FAT3: variants seen among roughly 807,000 people sequenced by gnomAD.
FAT3 encodes protocadherin Fat 3.
FAT3 carries 95 observed loss-of-function variants against 310.2 expected under a neutral mutation model. The ratio of observed to expected loss-of-function variants is 0.31; its 90% CI spans 0.26 to 0.36. FAT3 has a LOEUF of 0.36. FAT3 is among the 10% of genes least tolerant of loss of function. The pLI, the probability that FAT3 is intolerant of heterozygous loss-of-function variation, is 1.00. For synonymous variants in FAT3, 2,314 were observed against 2,192.9 expected (o/e 1.06, Z -1.54); for missense variants, 5,408 against 5,715.6 (o/e 0.95, Z 1.74).
At chr11:92,738,317 C>T (rs938790009) in intron 4 of FAT3, among the ~76,000 whole-genome samples, 10 of 152,168 alleles carry the variant, frequency 6.6e-5, no homozygotes, top group Non-Finnish European at 1.5e-4. Context: ...ACACCAGGTT[C>T]CCCAAGATAC....
intron 3 of FAT3, among the ~76,000 whole-genome samples, chr11:92,558,768 C>T (rs747378826): frequency 2.6e-5 from 4 of 152,118 alleles, no homozygotes; most frequent in Admixed American, 6.5e-5. Context: ...TACTCCTCGG[C>T]GACAAAGAGC....
intron 2 of FAT3, among the ~76,000 whole-genome samples, chr11:92,376,458 T>C (rs2134741817): frequency 6.6e-6 from 1 of 152,330 alleles, no homozygotes; most frequent in Non-Finnish European, 1.5e-5. Context: ...AGACGAATAG[T>C]GAATCATTCT....
chr11:92,301,304 A>G (rs749628702), intron 1 of FAT3, among the ~76,000 whole-genome samples: 7 of 152,152 alleles, frequency 4.6e-5, no homozygotes, highest in Non-Finnish European at 7.4e-5. Flanking sequence ...AGGTGGCGAA[A>G]AAGAAAGGGC....
intron 2 of FAT3, among the ~76,000 whole-genome samples, chr11:92,449,180 G>A (rs1951291664): frequency 6.6e-6 from 1 of 152,168 alleles, no homozygotes; most frequent in African/African-American, 2.4e-5. Context: ...CTCAGCCTGA[G>A]TACTGAACAA....
intron 3 of FAT3, among the ~76,000 whole-genome samples, chr11:92,641,480 G>A (rs1171096388): frequency 6.6e-6 from 1 of 152,122 alleles, no homozygotes; most frequent in African/African-American, 2.4e-5. Context: ...GAAGGCTCTA[G>A]GGAAGCATTC....
At chr11:92,699,394 G>T (rs1164340729) in intron 4 of FAT3, among the ~76,000 whole-genome samples, 1 of 152,140 alleles carries the variant, frequency 6.6e-6, no homozygotes, top group African/African-American at 2.4e-5. Context: ...TGTTTAAGAT[G>T]ATAGATAACC....
intron 1 of FAT3, among the ~76,000 whole-genome samples, chr11:92,238,763 T>G (rs546453882): frequency 6.6e-6 from 1 of 152,192 alleles, no homozygotes; most frequent in Non-Finnish European, 1.5e-5. Flanking sequence ...ATCTTATTTT[T>G]ACCATAGAGA....
intron 2 of FAT3, among the ~76,000 whole-genome samples, chr11:92,507,605 G>A (rs1274482690): frequency 1.3e-5 from 2 of 151,368 alleles, no homozygotes; most frequent in Non-Finnish European, 2.9e-5. Context: ...TAACATATAT[G>A]TGTGTATATA....
intron 4 of FAT3, among the ~76,000 whole-genome samples, chr11:92,745,563 A>C (rs1008178402): frequency 9.3e-5 from 13 of 139,232 alleles, no homozygotes; most frequent in Non-Finnish European, 2.0e-4. Flanking sequence ...TTAGTAGCTG[A>C]TGCATACCTC....
chr11:92,770,629 A>T (rs1946433758), intron 6 of FAT3, among the ~76,000 whole-genome samples: 1 of 152,074 alleles, frequency 6.6e-6, no homozygotes, highest in Non-Finnish European at 1.5e-5. Context: ...GGTGACAACT[A>T]GATGTGGGTT....
chr11:92,412,714 T>TACAC (rs1332946448), intron 2 of FAT3, among the ~76,000 whole-genome samples: 14 of 19,362 alleles, frequency 7.2e-4, no homozygotes, highest in South Asian at 2.3e-3. Context: ...TATATATATA[T>TACAC]ATATATATAT....
intron 4 of FAT3, among the ~76,000 whole-genome samples, chr11:92,725,303 A>G (rs1176796417): frequency 6.6e-6 from 1 of 152,174 alleles, no homozygotes; most frequent in African/African-American, 2.4e-5. Context: ...CTCCACTGAC[A>G]TCTGACATGA....
intron 20 of FAT3, among the ~76,000 whole-genome samples, chr11:92,858,939 T>C (rs1205047810): frequency 1.3e-5 from 2 of 152,188 alleles, no homozygotes; most frequent in African/African-American, 2.4e-5. Context: ...GCAAATAAGA[T>C]GATTTGGTGG....
Position 92,798,392 on chromosome 11 carries a change from C to A in FAT3, c.5379C>A (p.Asn1793Lys). 1 of 1,613,162 alleles carries A rather than the reference C, an allele frequency of 6.2e-7. No homozygotes were observed. Among genetic ancestry groups the A allele is most frequent in the East Asian group, 2.2e-5 (1 of 44,764 alleles). Residue 1793 changes from asparagine to lysine, a missense_variant, in exon 10 of 28, where the codon AAC becomes AAA. Asn to Lys is a moderately conservative substitution (Grantham distance 94). Coordinates refer to ENST00000525166, the MANE Select transcript of FAT3 (RefSeq NM_001367949.2). ...ATAGCATTGTCAGGAGCTTGGATAA[C>A]AGCCCACTGGTGATTCGAGCCACAG... Reference protein sequence around the residue: ...PINSIVRSLDNSPLVIRATDA... With the variant: ...PINSIVRSLDKSPLVIRATDA...
intron 2 of FAT3, among the ~76,000 whole-genome samples, chr11:92,476,554 G>T (rs1952057355): frequency 6.6e-6 from 1 of 152,172 alleles, no homozygotes; most frequent in Non-Finnish European, 1.5e-5. Flanking sequence ...GCTGCAGAAA[G>T]CAGAGAGCAA....
intron 2 of FAT3, among the ~76,000 whole-genome samples, chr11:92,519,547 GA>G (rs1294670845): frequency 6.6e-6 from 1 of 152,000 alleles, no homozygotes; most frequent in African/African-American, 2.4e-5. Context: ...GAAAATATAA[GA>G]TTTTTACCTT....
chr11:92,534,672 A>G (rs1247057202), intron 3 of FAT3, among the ~76,000 whole-genome samples: 1 of 152,200 alleles, frequency 6.6e-6, no homozygotes. Context: ...CCTCATAAAC[A>G]GAGAGAAATT....
At chr11:92,347,884 A>G (rs1000901977) in intron 1 of FAT3, among the ~76,000 whole-genome samples, 1 of 152,198 alleles carries the variant, frequency 6.6e-6, no homozygotes, top group African/African-American at 2.4e-5. Flanking sequence ...GAATAAATCA[A>G]TGTGCAGAGC....
intron 2 of FAT3, among the ~76,000 whole-genome samples, chr11:92,472,873 C>A (rs901310525): frequency 6.6e-6 from 1 of 152,100 alleles, no homozygotes; most frequent in Non-Finnish European, 1.5e-5. Flanking sequence ...TGATCTAAGC[C>A]CCCTCTGCCC....
Sources: gnomAD v4.1 joint callset for allele counts (sites outside exome capture counted in the v4.1 genomes callset) on GRCh38, gnomAD v4.1.1 for gene constraint, MANE v1.5 for transcripts, NCBI Gene and HGNC (gene_info 2026-07-23, HGNC 2026-07-21) for gene names.